CMYA5: variants seen among roughly 807,000 people sequenced by gnomAD.
CMYA5 encodes cardiomyopathy-associated protein 5.
A neutral mutation model predicts 318.9 loss-of-function variants in CMYA5; 246 were observed. The ratio of observed to expected loss-of-function variants is 0.77; its 90% CI spans 0.70 to 0.86. The LOEUF is 0.86. Ranked by LOEUF, CMYA5 falls within the 40% of genes least tolerant of loss-of-function variation. CMYA5 has a pLI of 0.00. For missense variants in CMYA5, 4,589 were observed against 4,678.2 expected (o/e 0.98, Z 0.56); for synonymous variants, 1,641 against 1,729.5 (o/e 0.95, Z 1.27).
chr5:79,751,040 G>A (rs1828419516), intron 5 of CMYA5, among the ~76,000 whole-genome samples: 2 of 151,908 alleles, frequency 1.3e-5, no homozygotes, highest in Admixed American at 6.6e-5. Context: ...CTTAATTTAG[G>A]CTCGTGCTGT....
At chr5:79,759,462 G>A (rs1278514550) in intron 7 of CMYA5, among the ~76,000 whole-genome samples, 1 of 152,210 alleles carries the variant, frequency 6.6e-6, no homozygotes, top group Non-Finnish European at 1.5e-5. Flanking sequence ...GCCTAGGTAT[G>A]GTGTAGTCTT....
In CMYA5 at chr5:79,733,930, G is replaced by A. The variant is rs143833890; in HGVS notation, c.5165G>A (p.Ser1722Asn). ...EIKPFSPKIISLESKEPPASV... is the reference protein window; with the variant it reads ...EIKPFSPKIINLESKEPPASV... Reference sequence around the variant, plus strand: ...AAACCTTTCTCTCCCAAGATCATCAGCCTAGAGTCGAAAGAACCACCTGCC... The same window carrying A: ...AAACCTTTCTCTCCCAAGATCATCAACCTAGAGTCGAAAGAACCACCTGCC... The change falls in exon 2 of 13, where the codon AGC (serine) becomes AAC (asparagine). Residue 1722 changes from serine (S) to asparagine (N), a missense_variant. Ser to Asn is a conservative substitution (Grantham distance 46). Transcript: ENST00000446378. The A allele has an allele frequency of 2.3e-4, 373 of 1,613,422 alleles. 3 individuals carry two copies. In the African/African-American group the frequency reaches 4.1e-3, roughly 18 times the overall value.
intron 3 of CMYA5, among the ~76,000 whole-genome samples, chr5:79,744,960 A>G (rs1368149816): frequency 6.6e-6 from 1 of 152,218 alleles, no homozygotes; most frequent in African/African-American, 2.4e-5. Flanking sequence ...CAAGACTTCC[A>G]TATGAAAATA....
chr5:79,767,212 C>G (rs962127298), intron 9 of CMYA5, among the ~76,000 whole-genome samples: 4 of 152,160 alleles, frequency 2.6e-5, no homozygotes, highest in Admixed American at 6.5e-5. Context: ...CTTTATTAGT[C>G]TGGCTAGTGG....
intron 1 of CMYA5, among the ~76,000 whole-genome samples, chr5:79,714,613 A>AT (rs1285673798): frequency 6.6e-6 from 1 of 150,864 alleles, no homozygotes; most frequent in African/African-American, 2.4e-5. Context: ...GGTTTTTAGA[A>AT]TTTTTTTGTA....
At chr5:79,786,942 C>A (rs1274237740) in intron 9 of CMYA5, among the ~76,000 whole-genome samples, 1 of 152,218 alleles carries the variant, frequency 6.6e-6, no homozygotes, top group Non-Finnish European at 1.5e-5. Flanking sequence ...TCTGCCTGAC[C>A]TGTTTCATGC....
chr5:79,752,599 A>G, intron 5 of CMYA5, 77 bp from the exon 6 acceptor site: 1 of 1,066,184 alleles, frequency 9.4e-7, no homozygotes, highest in East Asian at 2.5e-5. Context: ...CACCAGCTTC[A>G]TTTTGAACAA....
chr5:79,760,188 C>CTT (rs11304680), intron 7 of CMYA5, among the ~76,000 whole-genome samples: 3 of 143,962 alleles, frequency 2.1e-5, no homozygotes, highest in African/African-American at 2.5e-5. Context: ...GCTTGGCCTG[C>CTT]TTTTTTTTTT....
chr5:79,763,302 G>A, intron 9 of CMYA5, 93 bp downstream of exon 9: 1 of 1,146,068 alleles, frequency 8.7e-7, no homozygotes, highest in African/African-American at 1.6e-5. Flanking sequence ...CACCAAGGGA[G>A]AAATGCCGTC....
chr5:79,750,138 A>C (rs980045446), intron 5 of CMYA5, among the ~76,000 whole-genome samples: 8 of 152,130 alleles, frequency 5.3e-5, no homozygotes, highest in African/African-American at 1.7e-4. Flanking sequence ...TGACATTACA[A>C]GAAGAAGTTG....
chr5:79,794,662 C>T (rs564216977), intron 12 of CMYA5, among the ~76,000 whole-genome samples: 17 of 152,266 alleles, frequency 1.1e-4, no homozygotes, highest in African/African-American at 3.1e-4. Context: ...AGCTTAGGAA[C>T]GGTAAAGTAT....
chr5:79,694,752 T>A (rs1827034912), intron 1 of CMYA5, among the ~76,000 whole-genome samples: 1 of 152,222 alleles, frequency 6.6e-6, no homozygotes, highest in Non-Finnish European at 1.5e-5. Context: ...TCCATATATC[T>A]ATTTATATGG....
At chr5:79,776,814 G>C (rs918687812) in intron 9 of CMYA5, among the ~76,000 whole-genome samples, 1 of 150,958 alleles carries the variant, frequency 6.6e-6, no homozygotes, top group Non-Finnish European at 1.5e-5. Context: ...GCCATCTGTG[G>C]TACACTGCAG....
rs375110880 is a variant in CMYA5 at position 79,730,211 on chromosome 5, A to C, written c.1446A>C (p.Gly482=). The change falls in exon 2 of 13, where the codon GGA becomes GGC. Residue 482 remains glycine (G), a synonymous_variant. Transcript: ENST00000446378. ...CCCCTACCCATCCCAGTGTCAAAGG[A>C]GAGAAGGAGGAAAACATGCTTGAGC... The part of the protein sequence containing the change: ...KLTPTHPSVK[G]EKEENMLEPS... 4.5e-5 allele frequency: 73 copies of C among 1,613,868 alleles called. No homozygotes were observed. The highest frequency in any genetic ancestry group is 5.9e-5 in the Non-Finnish European group (70 of 1,179,884).
intron 9 of CMYA5, among the ~76,000 whole-genome samples, chr5:79,767,275 G>T (rs943923918): frequency 1.3e-5 from 2 of 152,046 alleles, no homozygotes; most frequent in East Asian, 1.9e-4. Context: ...CTGATTTTTT[G>T]AAGGGTTTTT....
chr5:79,737,052 C>G lies in CMYA5; in HGVS notation c.8287C>G (p.Gln2763Glu), dbSNP rs745601814. The change falls in exon 2 of 13, where the codon CAG becomes GAG. Residue 2763 changes from glutamine (Q) to glutamate (E), a missense_variant. Physicochemically the swap from Gln to Glu is conservative, Grantham distance 29. Coordinates refer to ENST00000446378, the MANE Select transcript of CMYA5 (RefSeq NM_153610.5). ...DMPDHSEEKEQFKESELWKGG... is the reference protein window; with the variant it reads ...DMPDHSEEKEEFKESELWKGG... ...GCCAGATCACAGTGAAGAAAAAGAACAGTTCAAAGAGTCAGAGCTATGGAA... is the reference window on the plus strand; with the variant it reads ...GCCAGATCACAGTGAAGAAAAAGAAGAGTTCAAAGAGTCAGAGCTATGGAA... The G allele has an allele frequency of 6.2e-7, 1 of 1,613,614 alleles. No individual in the cohort carries two copies. Among genetic ancestry groups the G allele is most frequent in the Non-Finnish European group, 8.5e-7 (1 of 1,179,770 alleles).
intron 1 of CMYA5, among the ~76,000 whole-genome samples, chr5:79,722,899 A>G (rs1312108452): frequency 6.7e-6 from 1 of 149,604 alleles, no homozygotes. Context: ...TACAAAATAA[A>G]AACTAAAAAC....
At chr5:79,717,033 T>A (rs1827532488) in intron 1 of CMYA5, among the ~76,000 whole-genome samples, 1 of 152,196 alleles carries the variant, frequency 6.6e-6, no homozygotes, top group African/African-American at 2.4e-5. Flanking sequence ...GTTGAGTGAA[T>A]AAATCTTGAC....
At chr5:79,715,478 A>G (rs1049359321) in intron 1 of CMYA5, among the ~76,000 whole-genome samples, 3 of 151,912 alleles carry the variant, frequency 2.0e-5, no homozygotes, top group Non-Finnish European at 4.4e-5. Context: ...TAGTAGAGAC[A>G]GGGTTTCACT....
Sources: allele counts gnomAD v4.1 joint callset (sites outside exome capture counted in the v4.1 genomes callset), GRCh38; gene constraint gnomAD v4.1.1; transcripts MANE v1.5; gene names NCBI Gene and HGNC (gene_info 2026-07-23, HGNC 2026-07-21).